Variants in TSPAN4 observed in about 807,000 individuals in gnomAD.
TSPAN4 encodes the protein tetraspanin-4.
In TSPAN4, 38 loss-of-function variants were observed where a neutral mutation model predicts 31.5. The ratio of observed to expected loss-of-function variants is 1.21; its 90% CI spans 0.93 to 1.58. TSPAN4 has a LOEUF of 1.58. Among genes scored for constraint, TSPAN4 ranks in the 40% most tolerant of loss-of-function variants. TSPAN4 has a pLI of 0.00. For synonymous variants in TSPAN4, 186 were observed against 144.6 expected (o/e 1.29, Z -2.06); for missense variants, 330 against 317.3 (o/e 1.04, Z -0.30).
chr11:866,896 A>C lies in TSPAN4; in HGVS notation c.*266A>C. The C allele has an allele frequency of 2.2e-6, 1 of 450,762 alleles. No homozygotes were observed. The highest frequency in any genetic ancestry group is 4.0e-6 in the Non-Finnish European group (1 of 250,612). The allele number at this position is 450,762 out of a possible 1,614,324, so 27.9% of individuals were successfully genotyped here. On this transcript the variant is annotated 3_prime_UTR_variant, in exon 9 of 9. Transcript: ENST00000397397. ...GTGGGAGGGGCCTCCAGCACTTTTT[A>C]TATTTACGTATTCTCCAAAGCAGTG...
rs139405585 is a variant in TSPAN4 at position 865,920 on chromosome 11, G to A, written c.567G>A (p.Pro189=). 6 of 1,613,172 alleles carry A rather than the reference G, an allele frequency of 3.7e-6. No individual in the cohort carries two copies. The highest frequency in any genetic ancestry group is 2.2e-5 in the East Asian group (1 of 44,872). ...ACGCATGACATCCCTCCCTGCAGCCGTGCTACGAGACGGTGAAGGTGTGGC... is the reference window on the plus strand; with the variant it reads ...ACGCATGACATCCCTCCCTGCAGCCATGCTACGAGACGGTGAAGGTGTGGC... ...LHAPGTWWKA[P]CYETVKVWLQ... Residue 189 remains proline (P), a splice_region_variant and synonymous_variant, in exon 8 of 9, where the codon CCG becomes CCA. Transcript: ENST00000397397.
rs559953939 is a variant in TSPAN4 at position 865,454 on chromosome 11, T to C, written c.331-59T>C. On this transcript the variant is annotated intron_variant, in intron 5 of 8. Coordinates refer to ENST00000397397, the MANE Select transcript of TSPAN4 (RefSeq NM_003271.5). ...CAGCTTAGGGGCCGGCGAGGGGGTC[T>C]GGATGAGGGAGGCGGGGTACAGTGG... is the stretch of plus-strand genomic sequence containing the variant. 5 of 1,428,738 alleles carry C rather than the reference T, an allele frequency of 3.5e-6. No individual in the cohort carries two copies. The East Asian group carries it at 7.0e-5, about 20-fold the overall frequency. 88.5% of individuals were successfully genotyped at this position (1,428,738 alleles called of 1,614,324 possible).
intron 3 of TSPAN4, among the ~76,000 whole-genome samples, chr11:854,095 G>A (rs1474595375): frequency 6.6e-6 from 1 of 152,220 alleles, no homozygotes; most frequent in Non-Finnish European, 1.5e-5. Flanking sequence ...GGGGCGGAGG[G>A]GAGAGGACGG....
At chr11:852,720 C>T (rs1055766770) in intron 3 of TSPAN4, among the ~76,000 whole-genome samples, 2 of 152,254 alleles carry the variant, frequency 1.3e-5, no homozygotes, top group African/African-American at 4.8e-5. Flanking sequence ...GGGGTGCCAG[C>T]CCCCTGTTGT....
intron 5 of TSPAN4, 151 bp downstream of exon 5, chr11:864,662 G>A (rs1848664124): frequency 2.1e-6 from 2 of 958,698 alleles, no homozygotes; most frequent in Non-Finnish European, 3.2e-6. Flanking sequence ...CAGGCCTGGA[G>A]GGGCAGCGCC....
At chr11:851,817 C>CGGCAGGCAGGCAGGCA (rs761306313) in intron 3 of TSPAN4, among the ~76,000 whole-genome samples, 1 of 151,710 alleles carries the variant, frequency 6.6e-6, no homozygotes, top group Non-Finnish European at 1.5e-5. Flanking sequence ...TGTGGGGGCC[C>CGGCAGGCAGGCAGGCA]GGCAGGCAGG....
chr11:844,677 G>T (rs1590218533), intron 1 of TSPAN4: 1 of 149,374 alleles, frequency 6.7e-6, no homozygotes, highest in East Asian at 2.0e-4. Context: ...CCTGGGTGTG[G>T]AGTGTTGGCG....
At chr11:850,153 GCGGGGACGC>G in intron 2 of TSPAN4, 126 bp from the exon 3 acceptor site, 1 of 653,254 alleles carries the variant, frequency 1.5e-6, no homozygotes, top group Non-Finnish European at 2.5e-6. Flanking sequence ...CGCGCGGGCG[GCGGGGACGC>G]CGGGGGCTCC....
intron 3 of TSPAN4, among the ~76,000 whole-genome samples, chr11:856,557 G>A (rs575907190): frequency 3.1e-4 from 47 of 152,168 alleles, no homozygotes; most frequent in African/African-American, 1.0e-3. Flanking sequence ...TCTGGCCTGC[G>A]GCGGGGCAGC....
intron 3 of TSPAN4, among the ~76,000 whole-genome samples, chr11:860,250 G>A (rs1445542301): frequency 6.6e-6 from 1 of 152,216 alleles, no homozygotes; most frequent in Non-Finnish European, 1.5e-5. Context: ...GCTCTGAGGG[G>A]ATTTTACCCT....
At chr11:846,299 G>A (rs1269961100) in intron 1 of TSPAN4, among the ~76,000 whole-genome samples, 2 of 152,218 alleles carry the variant, frequency 1.3e-5, no homozygotes, top group African/African-American at 4.8e-5. Context: ...CCCCTCTTTG[G>A]GTTGGACCTC....
chr11:856,755 T>C (rs1589775193), intron 3 of TSPAN4: 1 of 152,298 alleles, frequency 6.6e-6, no homozygotes. Context: ...CCTCCTGGCC[T>C]CAGCCCTGCT....
chr11:859,169 CCAG>C (rs1428919469), intron 3 of TSPAN4, among the ~76,000 whole-genome samples: 1 of 140,926 alleles, frequency 7.1e-6, no homozygotes, highest in Non-Finnish European at 1.5e-5. Context: ...CACACGCACC[CCAG>C]GTCACACGCA....
Position 865,529 on chromosome 11 carries a change from A to C in TSPAN4, c.347A>C (p.Gln116Pro). 6.2e-7 allele frequency: 1 copy of C among 1,611,530 alleles called. No homozygotes were observed. Among genetic ancestry groups the C allele is most frequent in the Non-Finnish European group, 8.5e-7 (1 of 1,179,722 alleles). ...AYTDKIDRYAQQDLKKGLHLY... is the reference protein window; with the variant it reads ...AYTDKIDRYAPQDLKKGLHLY... Reference sequence around the variant, plus strand: ...CACCCCCAGATTGACAGGTATGCCCAGCAAGACCTGAAGAAAGGCTTGCAC... The same window carrying C: ...CACCCCCAGATTGACAGGTATGCCCCGCAAGACCTGAAGAAAGGCTTGCAC... Residue 116 changes from glutamine to proline, a missense_variant, in exon 6 of 9, where the codon CAG (glutamine) becomes CCG (proline). Gln to Pro is a moderately conservative substitution (Grantham distance 76). Coordinates refer to ENST00000397397, the MANE Select transcript of TSPAN4 (RefSeq NM_003271.5).
intron 3 of TSPAN4, among the ~76,000 whole-genome samples, chr11:854,509 C>T (rs1344958916): frequency 6.6e-6 from 1 of 152,140 alleles, no homozygotes; most frequent in Non-Finnish European, 1.5e-5. Flanking sequence ...GCGCTGATCC[C>T]CGGGGAGACC....
At chr11:861,860 T>TA (rs1306851455) in intron 3 of TSPAN4, among the ~76,000 whole-genome samples, 1 of 151,722 alleles carries the variant, frequency 6.6e-6, no homozygotes, top group Non-Finnish European at 1.5e-5. Context: ...GCGGAGGAGG[T>TA]TGCAGTGAGC....
intron 3 of TSPAN4, among the ~76,000 whole-genome samples, chr11:853,819 A>C (rs1847889554): frequency 1.3e-5 from 2 of 152,150 alleles, no homozygotes; most frequent in Admixed American, 1.3e-4. Context: ...CCCTCCCTGC[A>C]GAGGTTGGGG....
chr11:850,186 A>G (rs147377761), intron 2 of TSPAN4, 102 bp from the exon 3 acceptor site: 3 of 976,948 alleles, frequency 3.1e-6, no homozygotes, highest in Non-Finnish European at 4.5e-6. Flanking sequence ...TTCGGCCTGC[A>G]CGCGAACCCC....
intron 5 of TSPAN4, chr11:865,255 C>A: frequency 1.9e-6 from 1 of 528,178 alleles, no homozygotes; most frequent in Non-Finnish European, 3.4e-6. Context: ...GTGGAGGCAC[C>A]TGTGTCCCTG....
Sources: allele counts gnomAD v4.1 joint callset (sites outside exome capture counted in the v4.1 genomes callset), GRCh38; gene constraint gnomAD v4.1.1; transcripts MANE v1.5; gene names NCBI Gene and HGNC (gene_info 2026-07-23, HGNC 2026-07-21).